Variants in PPP2R2B observed in about 807,000 individuals in gnomAD.
The protein encoded by PPP2R2B is protein phosphatase 2 regulatory subunit Bbeta.
In PPP2R2B, 5 loss-of-function variants were observed where a neutral mutation model predicts 46.0. The observed-to-expected ratio is 0.11, with a 90% CI of 0.06 to 0.23. The LOEUF (loss-of-function observed/expected upper bound fraction) is 0.23. Among genes scored for constraint, PPP2R2B ranks in the 10% least tolerant of loss-of-function variants. The probability of loss-of-function intolerance (pLI) is 1.00; values close to 1 mark genes in which losing one functional copy is unlikely to be tolerated. For missense variants in PPP2R2B, 367 were observed against 575.0 expected, an observed-to-expected ratio of 0.64 and a Z score of 3.70; for synonymous variants, 215 against 206.7, an observed-to-expected ratio of 1.04 and a Z score of -0.34.
intron 2 of PPP2R2B, among the ~76,000 whole-genome samples, chr5:146,834,518 G>A (rs1328908725): frequency 1.3e-5 from 2 of 152,186 alleles, no homozygotes; most frequent in African/African-American, 4.8e-5. Context: ...TTCAGGTTCA[G>A]TTATCAAGGA....
intron 5 of PPP2R2B, among the ~76,000 whole-genome samples, chr5:146,683,168 A>G (rs1778284369): frequency 6.6e-6 from 1 of 152,088 alleles, no homozygotes; most frequent in African/African-American, 2.4e-5. Context: ...ACCTAGTTTC[A>G]TGTACCCTTC....
chr5:146,992,999 A>T (rs1383753909), intron 1 of PPP2R2B, among the ~76,000 whole-genome samples: 1 of 150,892 alleles, frequency 6.6e-6, no homozygotes, highest in African/African-American at 2.4e-5. Flanking sequence ...CTAGAGTGCA[A>T]TGACATGATC....
chr5:146,717,885 T>A (rs576061075), intron 2 of PPP2R2B, among the ~76,000 whole-genome samples: 55 of 152,284 alleles, frequency 3.6e-4, no homozygotes, highest in African/African-American at 9.1e-4. Flanking sequence ...CTCTTCATTT[T>A]AAAAAATTTC....
chr5:146,731,569 T>G (rs529595111), intron 2 of PPP2R2B, among the ~76,000 whole-genome samples: 19 of 152,300 alleles, frequency 1.2e-4, no homozygotes, highest in Non-Finnish European at 2.1e-4. Flanking sequence ...GGCTTTGAAG[T>G]CAGATGGATC....
chr5:146,707,161 A>C (rs533301928), intron 2 of PPP2R2B: 2 of 1,595,228 alleles, frequency 1.3e-6, no homozygotes, highest in Non-Finnish European at 1.7e-6. Context: ...CAGAGTCTCC[A>C]GCTGCCGCCT....
chr5:146,916,744 G>A (rs1763400247), intron 1 of PPP2R2B, among the ~76,000 whole-genome samples: 1 of 152,094 alleles, frequency 6.6e-6, no homozygotes, highest in Non-Finnish European at 1.5e-5. Context: ...AACTCTACAG[G>A]TGAAAAGCTC....
intron 7 of PPP2R2B, among the ~76,000 whole-genome samples, chr5:146,618,888 G>T (rs962114482): frequency 2.0e-4 from 30 of 152,274 alleles, no homozygotes; most frequent in African/African-American, 7.2e-4. Context: ...TGAAACGACC[G>T]GCAATCCTAC....
intron 2 of PPP2R2B, among the ~76,000 whole-genome samples, chr5:146,758,990 CT>C (rs1753999481): frequency 6.6e-6 from 1 of 152,006 alleles, no homozygotes; most frequent in Non-Finnish European, 1.5e-5. Flanking sequence ...CAGTTCTCTT[CT>C]TAAGCCATCT....
At chr5:146,694,074 T>C (rs1055809730) in intron 4 of PPP2R2B, among the ~76,000 whole-genome samples, 42 of 152,284 alleles carry the variant, frequency 2.8e-4, no homozygotes, top group African/African-American at 9.6e-4. Flanking sequence ...ACAGTACCAT[T>C]CGCCTTGAAG....
intron 5 of PPP2R2B, among the ~76,000 whole-genome samples, chr5:146,686,548 A>G (rs377210905): frequency 1.3e-5 from 2 of 152,330 alleles, no homozygotes; most frequent in East Asian, 1.9e-4. Context: ...TAAGCACTCA[A>G]TAGATGGTTG....
chr5:146,743,483 C>T (rs914076186), intron 2 of PPP2R2B, among the ~76,000 whole-genome samples: 4 of 152,136 alleles, frequency 2.6e-5, no homozygotes, highest in African/African-American at 7.2e-5. Context: ...CTGCTACTCA[C>T]CTAATGAGAA....
intron 2 of PPP2R2B, among the ~76,000 whole-genome samples, chr5:146,852,841 A>G (rs892339645): frequency 6.6e-6 from 1 of 152,160 alleles, no homozygotes; most frequent in Non-Finnish European, 1.5e-5. Context: ...AAAAAGGTCT[A>G]TTTGACAAAA....
At chr5:146,922,365 C>T (rs183555721) in intron 1 of PPP2R2B, 2 of 152,276 alleles carry the variant, frequency 1.3e-5, no homozygotes, top group East Asian at 3.9e-4. Flanking sequence ...CAGGACTCTC[C>T]CTCCTAGCTC....
intron 2 of PPP2R2B, among the ~76,000 whole-genome samples, chr5:146,791,339 T>G (rs1472665011): frequency 1.3e-5 from 2 of 152,060 alleles, no homozygotes; most frequent in African/African-American, 4.8e-5. Context: ...TCAGTGTCGA[T>G]CCCCCCTTTT....
At chr5:146,836,891 C>T (rs1759317484) in intron 2 of PPP2R2B, among the ~76,000 whole-genome samples, 1 of 152,204 alleles carries the variant, frequency 6.6e-6, no homozygotes, top group Non-Finnish European at 1.5e-5. Flanking sequence ...GATTATGTTC[C>T]TCTGAAGTTC....
chr5:146,765,509 A>C (rs1754422705), intron 2 of PPP2R2B, among the ~76,000 whole-genome samples: 1 of 152,252 alleles, frequency 6.6e-6, no homozygotes, highest in Non-Finnish European at 1.5e-5. Context: ...AGAAGTGGCC[A>C]AAACCCTTTG....
upstream of PPP2R2B, among the ~76,000 whole-genome samples, chr5:146,880,020 A>C (rs1762111180): frequency 6.6e-6 from 1 of 152,232 alleles, no homozygotes; most frequent in Non-Finnish European, 1.5e-5. Context: ...GTTCAGAAAA[A>C]TGGAAAAACA....
At chr5:146,782,333 C>A (rs542330591) in intron 2 of PPP2R2B, among the ~76,000 whole-genome samples, 15 of 152,132 alleles carry the variant, frequency 9.9e-5, no homozygotes, top group Non-Finnish European at 1.8e-4. Context: ...CATGTTGTTT[C>A]AAATAAAAAT....
chr5:146,835,994 G>A (rs918879978), intron 2 of PPP2R2B, among the ~76,000 whole-genome samples: 5 of 152,080 alleles, frequency 3.3e-5, no homozygotes, highest in Admixed American at 1.3e-4. Context: ...TTGTAAGAAG[G>A]TGATGATAAC....
Sources: allele counts gnomAD v4.1 joint callset (sites outside exome capture counted in the v4.1 genomes callset), GRCh38; gene constraint gnomAD v4.1.1; transcripts MANE v1.5; gene names NCBI Gene and HGNC (gene_info 2026-07-23, HGNC 2026-07-21).